Variants in BCL9L observed in about 807,000 individuals in gnomAD.
BCL9L encodes the protein BCL9 like, also known as B-cell CLL/lymphoma 9-like protein.
Under a neutral mutation model 99.4 loss-of-function variants are expected in BCL9L, and 19 were observed. The ratio of observed to expected loss-of-function variants is 0.19; its 90% CI spans 0.13 to 0.28. BCL9L has a LOEUF of 0.28. Among genes scored for constraint, BCL9L ranks in the 10% least tolerant of loss-of-function variants. The pLI is 1.00. For synonymous variants in BCL9L, 900 were observed against 854.8 expected (o/e 1.05, Z -0.92); for missense variants, 2,023 against 2,101.6 (o/e 0.96, Z 0.73).
chr11:118,912,391 A>G (rs1940829007), intron 2 of BCL9L, among the ~76,000 whole-genome samples: 1 of 152,192 alleles, frequency 6.6e-6, no homozygotes, highest in African/African-American at 2.4e-5. Context: ...AGCAGGTGCG[A>G]GTCACCTGAG....
intron 2 of BCL9L, among the ~76,000 whole-genome samples, chr11:118,916,369 C>T (rs906048222): frequency 6.6e-6 from 1 of 152,214 alleles, no homozygotes; most frequent in Non-Finnish European, 1.5e-5. Flanking sequence ...AGCTTCCCCA[C>T]CTCATTGTGG....
rs895098157 is a variant in BCL9L at position 118,925,860 on chromosome 11, C to G, written c.-753G>C. Among the ~76,000 whole-genome samples, 1 of 151,454 alleles carries G rather than the reference C, an allele frequency of 6.6e-6. No homozygotes were observed. The highest frequency in any genetic ancestry group is 2.0e-4 in the East Asian group (1 of 5,114). On this transcript the variant is annotated 5_prime_UTR_variant, in exon 1 of 10. Transcript: ENST00000683865. This position sits in a 1 kb window ranked among gnomAD's most constrained non-coding sequence, Gnocchi z 6.4. ...TGGCTCCGCCGCGCGCCGCCGCCTC[C>G]CCGGGCTCCCCTGCGCTGCCGGAGC...
intron 2 of BCL9L, chr11:118,910,676 CCAGCGAGG>C (rs1940750202): frequency 6.5e-6 from 1 of 154,080 alleles, no homozygotes; most frequent in African/African-American, 2.4e-5. Flanking sequence ...CGAGCGACAG[CCAGCGAGG>C]CAGCGAGCGG....
In BCL9L at chr11:118,908,648, G is replaced by A. The variant is rs1331467265; in HGVS notation, c.34C>T (p.His12Tyr). The part of the protein sequence containing the change: ...RILANKTRLP[H>Y]PRRREAPGSP... ...CCTGGAGCTTCTCTCCTCCTGGGGT[G>A]GGGTAACCTGGGAGGAGGTGGGAGA... The change falls in exon 4 of 10, where the codon CAC becomes TAC. Residue 12 changes from histidine to tyrosine, a missense_variant. Physicochemically the swap from His to Tyr is moderately conservative, Grantham distance 83. Transcript: ENST00000683865. 1 of 1,608,348 alleles carries A rather than the reference G, an allele frequency of 6.2e-7. No homozygotes were observed. Among genetic ancestry groups the A allele is most frequent in the African/African-American group, 1.3e-5 (1 of 74,824 alleles).
chr11:118,919,364 CTA>C (rs1941079624), intron 1 of BCL9L, among the ~76,000 whole-genome samples: 1 of 151,796 alleles, frequency 6.6e-6, no homozygotes, highest in African/African-American at 2.4e-5. Flanking sequence ...GCTGTGTATT[CTA>C]TGTCCCTGTG....
At chr11:118,916,908 C>T (rs184691516) in intron 2 of BCL9L, among the ~76,000 whole-genome samples, 8 of 152,318 alleles carry the variant, frequency 5.3e-5, no homozygotes, top group East Asian at 1.9e-4. Flanking sequence ...CATTTAAGGA[C>T]GGAATGTCTT....
At position 118,899,519 on chromosome 11, in the gene BCL9L, T is replaced by C. The variant is rs75478935; in HGVS notation, c.3407-11A>G. ...GGCTGTTGCTGATCCCTGTAGGGAA[T>C]AGAAGACAGGGGGTCAGGCACGGTG... On this transcript the variant is annotated splice_polypyrimidine_tract_variant and intron_variant, in intron 9 of 9. Transcript: ENST00000683865. 1.3e-3 allele frequency: 2,030 copies of C among 1,606,544 alleles called. 26 individuals carry two copies. The African/African-American group carries it at 0.024, about 19-fold the overall frequency.
At position 118,907,653 on chromosome 11, in the gene BCL9L, C is replaced by T. The variant is rs1280676943; in HGVS notation, c.413-51G>A. 4.4e-6 allele frequency: 7 copies of T among 1,600,154 alleles called. No homozygotes were observed. In the Admixed American group the frequency reaches 6.7e-5, roughly 15 times the overall value. ...GTGAGTGCCTAGAGGCCCCATTATT[C>T]TCCCACACCCAGGGTCCCTCCCAGA... On this transcript the variant is annotated intron_variant, in intron 4 of 9. Transcript: ENST00000683865.
In BCL9L at chr11:118,901,780, TCTGGGCAAAATTG is replaced by T; in HGVS notation, c.1950_1962del (p.Ser650ArgfsTer17). ...TGCCCACCTGGGTAGGGCATGGTGT[TCTGGGCAAAATTG>T]CTGGGTCCCCCCATAGGGGGCAAGT... On this transcript the variant is annotated frameshift_variant, in exon 8 of 10. Coordinates refer to ENST00000683865, the MANE Select transcript of BCL9L (RefSeq NM_001378213.1). LOFTEE classifies it high-confidence loss of function. The surrounding 1 kb of genome is among the most constrained non-coding windows in gnomAD (Gnocchi z 6.6). 1 of 1,611,260 alleles carries T rather than the reference TCTGGGCAAAATTG, an allele frequency of 6.2e-7. No individual in the cohort carries two copies. Among genetic ancestry groups the T allele is most frequent in the Non-Finnish European group, 8.5e-7 (1 of 1,177,772 alleles).
At chr11:118,918,279 G>A (rs1458960365) in intron 2 of BCL9L, among the ~76,000 whole-genome samples, 1 of 151,316 alleles carries the variant, frequency 6.6e-6, no homozygotes, top group Non-Finnish European at 1.5e-5. Context: ...GTGTGTGTGT[G>A]TGTGTCTGTG....
At position 118,914,181 on chromosome 11, in the gene BCL9L, G is replaced by T. The variant is rs1940894811; in HGVS notation, c.-76-4166C>A. ...GGGTTCCCAGAACAGGCAGAGATGG[G>T]CAAGGCAGCTCCCTGTGGGCCCTCA... On this transcript the variant is annotated intron_variant, in intron 2 of 9. Coordinates refer to ENST00000683865, the MANE Select transcript of BCL9L (RefSeq NM_001378213.1). This position sits in a 1 kb window ranked among gnomAD's most constrained non-coding sequence, Gnocchi z 4.4. 6.6e-6 allele frequency among the ~76,000 whole-genome samples: 1 copy of T among 152,170 alleles called. No individual in the cohort carries two copies.
intron 1 of BCL9L, among the ~76,000 whole-genome samples, chr11:118,924,847 A>G (rs1031089892): frequency 1.3e-5 from 2 of 152,130 alleles, no homozygotes; most frequent in Admixed American, 6.5e-5. Context: ...GGAGGCTCCT[A>G]TCAGCCAGAG....
At chr11:118,906,060 T>TGAA (rs1304634233) in intron 5 of BCL9L, among the ~76,000 whole-genome samples, 2 of 151,694 alleles carry the variant, frequency 1.3e-5, no homozygotes, top group Non-Finnish European at 2.9e-5. Context: ...TAGCCAGGTG[T>TGAA]GATACATGCC....
At position 118,902,419 on chromosome 11, in the gene BCL9L, C is replaced by A. The variant is rs1352985754; in HGVS notation, c.1324G>T (p.Gly442Cys). Residue 442 changes from glycine to cysteine, a missense_variant, in exon 8 of 10, where the codon GGC becomes TGC. Gly to Cys is a radical substitution (Grantham distance 159). Transcript: ENST00000683865. This position sits in a 1 kb window ranked among gnomAD's most constrained non-coding sequence, Gnocchi z 7.8. ...GGAGGGGGGGCTTGTGCTGGTGGGC[C>A]CCCCTCACCCGCTCCTCCTGGGGGC... ...KGPPGGAGEG[G>C]PPAQAPPPPQ... 3 of 1,577,168 alleles carry A rather than the reference C, an allele frequency of 1.9e-6. No homozygotes were observed. The African/African-American group carries it at 4.1e-5, about 21-fold the overall frequency.
chr11:118,899,226 G>A lies in BCL9L; in HGVS notation c.3689C>T (p.Pro1230Leu), dbSNP rs867443189. 6.6e-6 allele frequency: 10 copies of A among 1,509,606 alleles called. No homozygotes were observed. The highest frequency in any genetic ancestry group is 2.3e-5 in the East Asian group (1 of 43,192). 93.5% of individuals were successfully genotyped at this position (1,509,606 alleles called of 1,614,324 possible). A position where few individuals can be genotyped will look rare whatever the true frequency, so the allele number is the denominator to read the frequency against. Residue 1230 changes from proline (P) to leucine (L), a missense_variant, in exon 10 of 10, where the codon CCT (proline) becomes CTT (leucine). Transcript: ENST00000683865. ...GGCACCATGGGGCTGCTGCAGCCGA[G>A]GGGGGAAGGGCATCATCTGGGAGGA... Reference protein sequence around the residue: ...PSSSQMMPFPPRLQQPHGAMA... With the variant: ...PSSSQMMPFPLRLQQPHGAMA...
intron 2 of BCL9L, among the ~76,000 whole-genome samples, chr11:118,917,098 CAAG>C (rs1263698453): frequency 6.6e-6 from 1 of 152,156 alleles, no homozygotes; most frequent in African/African-American, 2.4e-5. Flanking sequence ...AACTTGCAAT[CAAG>C]AAGTCAGCAG....
chr11:118,917,242 C>T (rs1463184266), intron 2 of BCL9L, among the ~76,000 whole-genome samples: 1 of 152,150 alleles, frequency 6.6e-6, no homozygotes, highest in African/African-American at 2.4e-5. Flanking sequence ...AATTCTTTCC[C>T]TGCTAAAACC....
intron 3 of BCL9L, 53 bp from the exon 4 acceptor site, chr11:118,908,708 T>C: frequency 6.6e-7 from 1 of 1,507,738 alleles, no homozygotes; most frequent in South Asian, 1.2e-5. Context: ...GGGCTAGGCA[T>C]GCCTGCAACT....
In BCL9L at chr11:118,897,456, G is replaced by A. The variant is rs1231004831; in HGVS notation, c.*959C>T. On this transcript the variant is annotated 3_prime_UTR_variant, in exon 10 of 10. Coordinates refer to ENST00000683865, the MANE Select transcript of BCL9L (RefSeq NM_001378213.1). ...AGCCAGGGCCCCGTGTCACCGGTGT[G>A]GGCAAACACACATGCACGTGCACAC... The A allele has an allele frequency of 4.2e-6, 1 of 236,900 alleles. No homozygotes were observed. Among genetic ancestry groups the A allele is most frequent in the South Asian group, 4.1e-5 (1 of 24,274 alleles). 14.7% of individuals were successfully genotyped at this position (236,900 alleles called of 1,614,324 possible). A position where few individuals can be genotyped will look rare whatever the true frequency, so the allele number is the denominator to read the frequency against.
Sources: allele counts gnomAD v4.1 joint callset (sites outside exome capture counted in the v4.1 genomes callset), GRCh38; gene constraint gnomAD v4.1.1; non-coding constraint Gnocchi (gnomAD v3.1); transcripts MANE v1.5; gene names NCBI Gene and HGNC (gene_info 2026-07-23, HGNC 2026-07-21).